Variants in HDAC8 observed in about 807,000 individuals in gnomAD.
HDAC8 encodes the protein histone deacetylase 8, also known as histone deacetylase-like 1.
In HDAC8, 1 loss-of-function variant was observed where a neutral mutation model predicts 32.2. The ratio of observed to expected loss-of-function variants is 0.03; its 90% CI spans 0.01 to 0.15. HDAC8 has a LOEUF of 0.15. Ranked by LOEUF, HDAC8 falls within the 10% of genes least tolerant of loss-of-function variation. The pLI is 1.00. For missense variants in HDAC8, 117 were observed against 300.0 expected, an observed-to-expected ratio of 0.39 and a Z score of 4.51; for synonymous variants, 108 against 113.9, an observed-to-expected ratio of 0.95 and a Z score of 0.33.
In HDAC8 at chrX:72,485,249, G is replaced by A. The variant is rs193166757; in HGVS notation, c.737+3684C>T. On this transcript the variant is annotated intron_variant, in intron 7 of 10. Transcript: ENST00000373573. ...GGCTCTACTTGTGATACCAACTCTA[G>A]CAGCTCTCATGAAAATTATGGGAAG... 8.0e-5 allele frequency among the ~76,000 whole-genome samples: 9 copies of A among 112,126 alleles called. No individual in the cohort carries two copies. In the East Asian group the frequency reaches 2.5e-3, roughly 31 times the overall value.
chrX:72,415,352 A>T (rs2046304379), intron 9 of HDAC8, among the ~76,000 whole-genome samples: 1 of 111,969 alleles, frequency 8.9e-6, no homozygotes, highest in South Asian at 3.7e-4. Flanking sequence ...ATAGTCTTAA[A>T]ATTGGTAGAG....
intron 9 of HDAC8, among the ~76,000 whole-genome samples, chrX:72,418,610 T>C (rs1439099956): frequency 8.9e-6 from 1 of 111,891 alleles, no homozygotes; most frequent in Non-Finnish European, 1.9e-5. Context: ...TCAACCATTA[T>C]GGAAAGCATT....
chrX:72,351,644 A>C, intron 10 of HDAC8, 89 bp downstream of exon 10: 1 of 589,273 alleles, frequency 1.7e-6, no homozygotes, highest in Non-Finnish European at 2.8e-6. Context: ...GCTTACCAAA[A>C]GGCAAATGGT....
At chrX:72,490,716 C>T (rs1347438581) in intron 6 of HDAC8, among the ~76,000 whole-genome samples, 3 of 107,704 alleles carry the variant, frequency 2.8e-5, no homozygotes, top group Non-Finnish European at 5.8e-5. Flanking sequence ...AACTAACCTG[C>T]ACATTGTGCA....
intron 9 of HDAC8, among the ~76,000 whole-genome samples, chrX:72,368,954 T>C (rs1409219480): frequency 8.9e-6 from 1 of 111,970 alleles, no homozygotes; most frequent in Non-Finnish European, 1.9e-5. Context: ...TTTATCTGAT[T>C]CGTGACGACC....
At chrX:72,503,105 G>A (rs1426396920) in intron 4 of HDAC8, among the ~76,000 whole-genome samples, 2 of 111,749 alleles carry the variant, frequency 1.8e-5, no homozygotes, top group Non-Finnish European at 3.8e-5. Flanking sequence ...CATAGCTGTT[G>A]TAAGTCTTTT....
At position 72,351,680 on chromosome X, in the gene HDAC8, C is replaced by A. The variant is rs1358206330; in HGVS notation, c.1111+53G>T. Reference sequence around the variant, plus strand: ...ATTTAAGGAAGCCCCCACTGATGGGCCACCACAAACTGGGTGGAACAAGGA... The same window carrying A: ...ATTTAAGGAAGCCCCCACTGATGGGACACCACAAACTGGGTGGAACAAGGA... On this transcript the variant is annotated intron_variant, in intron 10 of 10. Coordinates refer to ENST00000373573, the MANE Select transcript of HDAC8 (RefSeq NM_018486.3). The A allele has an allele frequency of 3.4e-6, 3 of 888,242 alleles. No individual in the cohort carries two copies. The Admixed American group carries it at 7.1e-5, about 21-fold the overall frequency. The allele number at this position is 888,242 out of a possible 1,213,427, so 73.2% of individuals were successfully genotyped here.
intron 7 of HDAC8, chrX:72,474,124 T>C (rs781793886): frequency 4.5e-5 from 34 of 748,706 alleles, no homozygotes; most frequent in Non-Finnish European, 5.0e-5. Flanking sequence ...TTTGTAAAGA[T>C]AGAGTAATTA....
intron 4 of HDAC8, among the ~76,000 whole-genome samples, chrX:72,520,195 CTA>C (rs1259023984): frequency 9.0e-6 from 1 of 111,616 alleles, no homozygotes; most frequent in African/African-American, 3.3e-5. Context: ...CAAAAATCTC[CTA>C]TGTTTGTTTT....
At chrX:72,571,553 C>CTTTCTTTT (rs2052059634) in intron 2 of HDAC8, among the ~76,000 whole-genome samples, 1 of 30,449 alleles carries the variant, frequency 3.3e-5, no homozygotes, top group Non-Finnish European at 5.9e-5. Context: ...TTCTTTCTTT[C>CTTTCTTTT]TTTTTTTTTT....
chrX:72,564,562 T>G (rs1254016519), intron 4 of HDAC8, among the ~76,000 whole-genome samples: 2 of 112,520 alleles, frequency 1.8e-5, no homozygotes, highest in Non-Finnish European at 1.9e-5. Flanking sequence ...AAATTTGCTT[T>G]TTTAAATATT....
chrX:72,365,725 G>A (rs958469102), intron 9 of HDAC8, among the ~76,000 whole-genome samples: 2 of 112,273 alleles, frequency 1.8e-5, no homozygotes, highest in Non-Finnish European at 3.8e-5. Context: ...CAACTTTCTT[G>A]TCTGCTTTGA....
In HDAC8 at chrX:72,445,128, A is replaced by G. The variant is rs2047339203; in HGVS notation, c.1005+16876T>C. On this transcript the variant is annotated intron_variant, in intron 9 of 10. Transcript: ENST00000373573. ...CTGCCCAAGGTAATTTACAGATTCAATGCCATCCCCATCAAGCTACCAATG... is the reference window on the plus strand; with the variant it reads ...CTGCCCAAGGTAATTTACAGATTCAGTGCCATCCCCATCAAGCTACCAATG... 1.1e-4 allele frequency among the ~76,000 whole-genome samples: 12 copies of G among 110,434 alleles called. No homozygotes were observed. The South Asian group carries it at 4.8e-3, about 44-fold the overall frequency.
chrX:72,450,493 A>G (rs2047542965), intron 9 of HDAC8, among the ~76,000 whole-genome samples: 1 of 112,217 alleles, frequency 8.9e-6, no homozygotes, highest in Admixed American at 9.5e-5. Context: ...GTCATGTAAG[A>G]AGTTACCACT....
intron 9 of HDAC8, among the ~76,000 whole-genome samples, chrX:72,422,403 C>G (rs1555973952): frequency 9.1e-6 from 1 of 109,380 alleles, no homozygotes; most frequent in Non-Finnish European, 1.9e-5. Context: ...TTCAATTATC[C>G]TATCTTCCAA....
At chrX:72,357,928 G>A (rs1010631622) in intron 9 of HDAC8, among the ~76,000 whole-genome samples, 2 of 109,131 alleles carry the variant, frequency 1.8e-5, no homozygotes, top group Admixed American at 9.8e-5. Context: ...TTTTTTAGAC[G>A]GAGTCTCGCT....
At chrX:72,428,960 T>C (rs1396006168) in intron 9 of HDAC8, among the ~76,000 whole-genome samples, 3 of 110,897 alleles carry the variant, frequency 2.7e-5, no homozygotes, top group Non-Finnish European at 5.7e-5. Context: ...TGAAAGCAAC[T>C]AGTAAAGTAC....
chrX:72,438,688 C>T (rs782416458), intron 9 of HDAC8, among the ~76,000 whole-genome samples: 2 of 110,287 alleles, frequency 1.8e-5, no homozygotes, highest in Non-Finnish European at 3.8e-5. Context: ...AATAGCTGAA[C>T]GGATCAAGTG....
chrX:72,572,131 A>G, intron 1 of HDAC8, 22 bp from the exon 2 acceptor site: 1 of 1,161,824 alleles, frequency 8.6e-7, no homozygotes, highest in Non-Finnish European at 1.1e-6. Context: ...AGCGTAAAAA[A>G]AAAAAAAGAA....
Sources: allele counts gnomAD v4.1 joint callset (sites outside exome capture counted in the v4.1 genomes callset), GRCh38; gene constraint gnomAD v4.1.1; transcripts MANE v1.5; gene names NCBI Gene and HGNC (gene_info 2026-07-23, HGNC 2026-07-21).